The following KCND2 variants were observed in gnomAD, a reference collection of about 807,000 sequenced individuals.
KCND2 encodes A-type voltage-gated potassium channel KCND2.
A neutral mutation model predicts 54.4 loss-of-function variants in KCND2; 16 were observed. The ratio of observed to expected loss-of-function variants is 0.29; its 90% CI spans 0.20 to 0.45. KCND2 has a LOEUF of 0.45. KCND2 is among the 20% of genes least tolerant of loss of function. The pLI is 1.00. For missense variants in KCND2, 486 were observed against 824.2 expected, an observed-to-expected ratio of 0.59 and a Z score of 5.02; for synonymous variants, 317 against 310.7, an observed-to-expected ratio of 1.02 and a Z score of -0.21.
intron 1 of KCND2, among the ~76,000 whole-genome samples, chr7:120,711,201 T>C (rs1320612504): frequency 3.9e-5 from 6 of 152,134 alleles, no homozygotes; most frequent in African/African-American, 1.4e-4. Context: ...GTGTGAGAGA[T>C]GTCATATCTC....
chr7:120,538,115 A>C (rs947089311), intron 1 of KCND2, among the ~76,000 whole-genome samples: 3 of 152,114 alleles, frequency 2.0e-5, no homozygotes, highest in African/African-American at 7.2e-5. Context: ...GTGTCTCTTC[A>C]CCTTATTAGA....
chr7:120,457,710 A>G (rs1293908753), intron 1 of KCND2, among the ~76,000 whole-genome samples: 1 of 152,134 alleles, frequency 6.6e-6, no homozygotes, highest in African/African-American at 2.4e-5. Flanking sequence ...AGACTTTCCC[A>G]GATTTTCTTA....
intron 1 of KCND2, among the ~76,000 whole-genome samples, chr7:120,292,314 T>A (rs181475007): frequency 2.6e-5 from 4 of 152,038 alleles, no homozygotes; most frequent in Non-Finnish European, 5.9e-5. Context: ...GCTGTCTTTG[T>A]CCTAACTGAT....
rs554637113 is a variant in KCND2, at chr7:120,289,428, TTAAAA to T, written c.1115+13687_1115+13691del. On this transcript the variant is annotated intron_variant, in intron 1 of 5. Coordinates refer to ENST00000331113, the MANE Select transcript of KCND2 (RefSeq NM_012281.3). ...AACAAAATCAAGCAAACACTTTTAG[TTAAAA>T]TAAAAAGGAACCAAGAACAAACAAC... is the stretch of plus-strand genomic sequence containing the variant. Among the ~76,000 whole-genome samples, 295 of 152,130 alleles carry T rather than the reference TTAAAA, an allele frequency of 1.9e-3. 1 individual carries two copies. Among genetic ancestry groups the T allele is most frequent in the Non-Finnish European group, 1.5e-3 (102 of 67,964 alleles).
chr7:120,610,380 A>C (rs7808260), intron 1 of KCND2, among the ~76,000 whole-genome samples: 140,963 of 152,194 alleles, frequency 0.93, 65,865 homozygotes, highest in Middle Eastern at 0.99. Flanking sequence ...GAAAAGCTCA[A>C]AGTGCTAGAA....
intron 1 of KCND2, among the ~76,000 whole-genome samples, chr7:120,562,882 T>C (rs1004478440): frequency 6.6e-6 from 1 of 152,150 alleles, no homozygotes; most frequent in Non-Finnish European, 1.5e-5. Context: ...ATATGCCAAA[T>C]TACTATAAGA....
At chr7:120,395,348 C>G (rs1386953096) in intron 1 of KCND2, among the ~76,000 whole-genome samples, 1 of 151,908 alleles carries the variant, frequency 6.6e-6, no homozygotes, top group South Asian at 2.1e-4. Flanking sequence ...TGGTTTTATT[C>G]CTATTTCATT....
At chr7:120,338,759 G>A (rs2116361480) in intron 1 of KCND2, among the ~76,000 whole-genome samples, 1 of 152,164 alleles carries the variant, frequency 6.6e-6, no homozygotes, top group East Asian at 1.9e-4. Flanking sequence ...TAATAAAATA[G>A]TTATTTGGTT....
At position 120,507,712 on chromosome 7, in the gene KCND2, A is replaced by G. The variant is rs1304217963; in HGVS notation, c.1116-225191A>G. Reference sequence around the variant, plus strand: ...ATACCCTCAGGCTCCTAGTAGCCCTACACCTCCTGAATTTTCAGCCTTTGG... The same window carrying G: ...ATACCCTCAGGCTCCTAGTAGCCCTGCACCTCCTGAATTTTCAGCCTTTGG... On this transcript the variant is annotated intron_variant, in intron 1 of 5. Transcript: ENST00000331113. 7.9e-5 allele frequency among the ~76,000 whole-genome samples: 12 copies of G among 152,004 alleles called. 1 individual carries two copies. The East Asian group carries it at 2.3e-3, about 29-fold the overall frequency.
intron 1 of KCND2, among the ~76,000 whole-genome samples, chr7:120,593,070 T>C (rs10248007): frequency 0.098 from 14,897 of 152,130 alleles, 1,022 homozygotes; most frequent in African/African-American, 0.21. Context: ...AACTTGAATA[T>C]CAGCAAAATA....
chr7:120,405,788 C>A (rs1767072738), intron 1 of KCND2, among the ~76,000 whole-genome samples: 1 of 151,982 alleles, frequency 6.6e-6, no homozygotes, highest in African/African-American at 2.4e-5. Context: ...AAAATCATGA[C>A]AGATATTAAG....
chr7:120,495,462 C>A (rs895756439), intron 1 of KCND2, among the ~76,000 whole-genome samples: 2 of 152,042 alleles, frequency 1.3e-5, no homozygotes, highest in Non-Finnish European at 2.9e-5. Flanking sequence ...CCCTTTCAAT[C>A]AAGAAAGTTG....
chr7:120,461,502 G>C (rs62472320), intron 1 of KCND2, among the ~76,000 whole-genome samples: 14,033 of 152,046 alleles, frequency 0.092, 683 homozygotes, highest in Admixed American at 0.12. Flanking sequence ...CCCTATTCGA[G>C]ACTACATGGC....
chr7:120,465,443 T>G (rs1316421135), intron 1 of KCND2, among the ~76,000 whole-genome samples: 1 of 151,714 alleles, frequency 6.6e-6, no homozygotes, highest in Non-Finnish European at 1.5e-5. Context: ...CTGAACTGAA[T>G]TCCTATTAAA....
In KCND2 at chr7:120,720,269, T is replaced by C. The variant is rs147054800; in HGVS notation, c.1116-12634T>C. On this transcript the variant is annotated intron_variant, in intron 1 of 5. Coordinates refer to ENST00000331113, the MANE Select transcript of KCND2 (RefSeq NM_012281.3). ...CCCAGAAAGGTCCCATCAGTCTCACTACTGGGTTTCCAATCTGGATAAAAT... is the reference window on the plus strand; with the variant it reads ...CCCAGAAAGGTCCCATCAGTCTCACCACTGGGTTTCCAATCTGGATAAAAT... 8.9e-4 allele frequency among the ~76,000 whole-genome samples: 135 copies of C among 152,266 alleles called. 3 individuals are homozygous for C. In the Middle Eastern group the frequency reaches 0.014, roughly 15 times the overall value.
chr7:120,392,548 A>G (rs2116055525), intron 1 of KCND2, among the ~76,000 whole-genome samples: 1 of 151,728 alleles, frequency 6.6e-6, no homozygotes, highest in East Asian at 1.9e-4. Flanking sequence ...TAGACCTACT[A>G]ATAGTTTTGA....
intron 1 of KCND2, among the ~76,000 whole-genome samples, chr7:120,521,985 A>G: frequency 6.6e-6 from 1 of 152,178 alleles, no homozygotes; most frequent in East Asian, 1.9e-4. Context: ...GTTGCTGTCC[A>G]ACTCTATTAC....
At position 120,546,080 on chromosome 7, in the gene KCND2, GT is replaced by G. The variant is rs1792039363; in HGVS notation, c.1116-186822del. Among the ~76,000 whole-genome samples, 4 of 151,962 alleles carry G rather than the reference GT, an allele frequency of 2.6e-5. No individual in the cohort carries two copies. In the South Asian group the frequency reaches 8.3e-4, roughly 32 times the overall value. The stretch of plus-strand genomic sequence containing the variant: ...ATATAAAATAACATTCACAATACAT[GT>G]AAATGCTTAATTATTTTCCTAATTA... On this transcript the variant is annotated intron_variant, in intron 1 of 5. Transcript: ENST00000331113.
intron 1 of KCND2, among the ~76,000 whole-genome samples, chr7:120,635,069 C>G (rs1793287436): frequency 6.6e-6 from 1 of 152,196 alleles, no homozygotes; most frequent in South Asian, 2.1e-4. Context: ...GTCCATTGAA[C>G]TAGGGTAGAT....
Sources: gnomAD v4.1 joint callset for allele counts (sites outside exome capture counted in the v4.1 genomes callset) on GRCh38, gnomAD v4.1.1 for gene constraint, MANE v1.5 for transcripts, NCBI Gene and HGNC (gene_info 2026-07-23, HGNC 2026-07-21) for gene names.